Variants in CCDC14 observed in about 807,000 individuals in gnomAD.
The protein encoded by CCDC14 is coiled-coil domain containing 14, also known as coiled-coil domain-containing protein 14.
In CCDC14, 71 loss-of-function variants were observed where a neutral mutation model predicts 81.4. The observed-to-expected ratio is 0.87, with a 90% confidence interval of 0.72 to 1.06. The LOEUF (loss-of-function observed/expected upper bound fraction) is 1.06, where lower values mean the gene tolerates loss of function less well. Ranked by LOEUF, CCDC14 falls within the 50% of genes least tolerant of loss-of-function variation. The pLI, the probability that CCDC14 is intolerant of heterozygous loss-of-function variation, is 0.00. For synonymous variants in CCDC14, 332 were observed against 364.8 expected (o/e 0.91, Z 1.03); for missense variants, 1,046 against 1,047.3 (o/e 1.00, Z 0.02).
intron 8 of CCDC14, 75 bp downstream of exon 8, chr3:123,946,728 T>A (rs1052347414): frequency 1.5e-6 from 2 of 1,374,738 alleles, no homozygotes; most frequent in African/African-American, 2.9e-5. Context: ...AAACTCCATT[T>A]AAATGATAGC....
At position 123,915,196 on chromosome 3, in the gene CCDC14, T is replaced by A; in HGVS notation, c.2301A>T (p.Gly767=). 1 of 1,613,788 alleles carries A rather than the reference T, an allele frequency of 6.2e-7. No homozygotes were observed. Among genetic ancestry groups the A allele is most frequent in the Non-Finnish European group, 8.5e-7 (1 of 1,179,740 alleles). The stretch of plus-strand genomic sequence containing the variant: ...TATTTTCTTTTCCAGAGACAGCAAG[T>A]CCGCTGTTGCTGACTAGCTGTGTTG... The part of the protein sequence containing the change: ...AATTQLVSNS[G]LAVSGKENKL... Residue 767 remains glycine (G), a synonymous_variant, in exon 13 of 13, where the codon GGA becomes GGT. Transcript: ENST00000409697.
chr3:123,946,058 A>G (rs964823548), intron 8 of CCDC14, among the ~76,000 whole-genome samples: 1 of 152,134 alleles, frequency 6.6e-6, no homozygotes, highest in Non-Finnish European at 1.5e-5. Flanking sequence ...AATAAGTTGA[A>G]GGTCTGAAAA....
intron 10 of CCDC14, among the ~76,000 whole-genome samples, chr3:123,932,324 C>T (rs190493194): frequency 2.0e-5 from 3 of 152,278 alleles, no homozygotes; most frequent in African/African-American, 7.2e-5. Context: ...CTCTCTCCTA[C>T]CCTCTCCCTT....
At chr3:123,901,955 C>CA (rs920747958) in intron 5 of CCDC14, among the ~76,000 whole-genome samples, 3 of 151,632 alleles carry the variant, frequency 2.0e-5, no homozygotes, top group Non-Finnish European at 2.9e-5. Context: ...ATAAAAGTAA[C>CA]AAAAAAAATC....
At chr3:123,921,613 A>G (rs1161058926) in intron 12 of CCDC14, among the ~76,000 whole-genome samples, 1 of 152,174 alleles carries the variant, frequency 6.6e-6, no homozygotes, top group Non-Finnish European at 1.5e-5. Flanking sequence ...TAGAAAATCA[A>G]TAAGGAAACA....
At chr3:123,956,662 G>T in intron 2 of CCDC14, 78 bp downstream of exon 2, 1 of 1,171,964 alleles carries the variant, frequency 8.5e-7, no homozygotes, top group Non-Finnish European at 1.2e-6. Flanking sequence ...ATTTTCTGGG[G>T]TAGACGACAT....
intron 12 of CCDC14, among the ~76,000 whole-genome samples, chr3:123,920,947 T>C (rs571881730): frequency 6.6e-6 from 1 of 152,338 alleles, no homozygotes; most frequent in East Asian, 1.9e-4. Flanking sequence ...GGAGTAAAAG[T>C]GTAGTTTTTG....
Position 123,961,200 on chromosome 3 carries a change from C to G in CCDC14, c.-27G>C, listed in dbSNP as rs2037669192. 1 of 1,551,638 alleles carries G rather than the reference C, an allele frequency of 6.4e-7. No homozygotes were observed. Among genetic ancestry groups the G allele is most frequent in the African/African-American group, 1.4e-5 (1 of 73,174 alleles). On this transcript the variant is annotated 5_prime_UTR_variant, in exon 1 of 13. Coordinates refer to ENST00000409697, the MANE Select transcript of CCDC14 (RefSeq NM_001366335.1). Reference sequence around the variant, plus strand: ...TCTCGCCGCCTCAGAGAAGCCCAGACCGAGGGAAGTGAAGCCTCACGGTAA... The same window carrying G: ...TCTCGCCGCCTCAGAGAAGCCCAGAGCGAGGGAAGTGAAGCCTCACGGTAA...
chr3:123,891,436 G>GT, the CCDC14 span, among the ~76,000 whole-genome samples: 1 of 152,218 alleles, frequency 6.6e-6, no homozygotes, highest in African/African-American at 2.4e-5. Flanking sequence ...CAGCACCTAA[G>GT]TCACCTCTTG....
rs2034603656 is a variant in CCDC14, at chr3:123,915,330, C to T, written c.2167G>A (p.Glu723Lys). The change falls in exon 13 of 13, where the codon GAG (glutamate) becomes AAG (lysine). Residue 723 changes from glutamate (E) to lysine (K), a missense_variant. Transcript: ENST00000409697. The part of the protein sequence containing the change: ...GSETMALIED[E>K]HNLDNTIYIP... ...TAAATTGTATTATCCAAATTATGCTCATCTTCTATTAAAGCCATAGTTTCA... is the reference window on the plus strand; with the variant it reads ...TAAATTGTATTATCCAAATTATGCTTATCTTCTATTAAAGCCATAGTTTCA... 1.9e-6 allele frequency: 3 copies of T among 1,613,906 alleles called. No homozygotes were observed. Among genetic ancestry groups the T allele is most frequent in the East Asian group, 4.5e-5 (2 of 44,890 alleles).
Position 123,914,075 on chromosome 3 carries a change from C to A in CCDC14, c.*704G>T. The A allele has an allele frequency of 1.0e-6, 1 of 985,458 alleles. No homozygotes were observed. Among genetic ancestry groups the A allele is most frequent in the Non-Finnish European group, 1.2e-6 (1 of 829,676 alleles). The allele number at this position is 985,458 out of a possible 1,614,324, so 61.0% of individuals were successfully genotyped here. On this transcript the variant is annotated 3_prime_UTR_variant, in exon 13 of 13. Transcript: ENST00000409697. Reference sequence around the variant, plus strand: ...ACATTTCTTATTTAAAAAAAACCCACAAATTTCCCCAACTATAGCTTATCT... The same window carrying A: ...ACATTTCTTATTTAAAAAAAACCCAAAAATTTCCCCAACTATAGCTTATCT...
chr3:123,956,878 AT>A, intron 1 of CCDC14, 83 bp from the exon 2 acceptor site: 3 of 899,782 alleles, frequency 3.3e-6, no homozygotes, highest in Non-Finnish European at 5.0e-6. Flanking sequence ...ATTTAATGTC[AT>A]TTTTTTCTTT....
the CCDC14 span, among the ~76,000 whole-genome samples, chr3:123,886,924 A>G: frequency 4.4e-3 from 665 of 152,264 alleles, 2 homozygotes; most frequent in Non-Finnish European, 7.3e-3. Flanking sequence ...AACATATATT[A>G]CATTAGGACC....
chr3:123,886,866 T>C, the CCDC14 span, among the ~76,000 whole-genome samples: 1 of 152,232 alleles, frequency 6.6e-6, no homozygotes, highest in South Asian at 2.1e-4. Context: ...AATATTTTCA[T>C]CAGTTTATAT....
At chr3:123,916,098 A>T (rs1413481377) in intron 12 of CCDC14, among the ~76,000 whole-genome samples, 1 of 151,742 alleles carries the variant, frequency 6.6e-6, no homozygotes, top group East Asian at 1.9e-4. Context: ...TCCCAGGTTC[A>T]AGTGATCCTC....
intron 12 of CCDC14, among the ~76,000 whole-genome samples, chr3:123,916,603 T>C (rs932326826): frequency 6.6e-6 from 1 of 151,904 alleles, no homozygotes; most frequent in African/African-American, 2.4e-5. Flanking sequence ...CACAGAAGGT[T>C]TGAAGTTAGA....
chr3:123,947,639 G>T (rs1366366509), intron 7 of CCDC14, among the ~76,000 whole-genome samples: 4 of 151,934 alleles, frequency 2.6e-5, no homozygotes, highest in African/African-American at 7.2e-5. Context: ...ACTAATTTTT[G>T]ATGCTTTTAA....
chr3:123,910,368 C>T (rs115130037), downstream of CCDC14, among the ~76,000 whole-genome samples: 1,905 of 152,042 alleles, frequency 0.013, 40 homozygotes, highest in African/African-American at 0.042. Context: ...AAGTTCATTG[C>T]TGGATTTACA....
At position 123,946,819 on chromosome 3, in the gene CCDC14, G is replaced by A. The variant is rs759334339; in HGVS notation, c.1185C>T (p.Ala395=). The A allele has an allele frequency of 1.2e-5, 20 of 1,613,136 alleles. No individual in the cohort carries two copies. Among genetic ancestry groups the A allele is most frequent in the African/African-American group, 2.7e-5 (2 of 74,780 alleles). The change falls in exon 8 of 13, where the codon GCC becomes GCT. Residue 395 remains alanine (A), a synonymous_variant. Coordinates refer to ENST00000409697, the MANE Select transcript of CCDC14 (RefSeq NM_001366335.1). ...CCCATCTACCTTGTTCTGCTACCAGGGCCTTGAGCTCTCCCAACAAATATT... is the reference window on the plus strand; with the variant it reads ...CCCATCTACCTTGTTCTGCTACCAGAGCCTTGAGCTCTCCCAACAAATATT... ...IIKYLLGELK[A]LVAEQEDSEI...
Sources: allele counts gnomAD v4.1 joint callset (sites outside exome capture counted in the v4.1 genomes callset), GRCh38; gene constraint gnomAD v4.1.1; transcripts MANE v1.5; gene names NCBI Gene and HGNC (gene_info 2026-07-23, HGNC 2026-07-21).